The following AGBL5 variants were observed in gnomAD, a reference collection of about 807,000 sequenced individuals.
AGBL5 encodes AGBL carboxypeptidase 5.
Under a neutral mutation model 88.0 loss-of-function variants are expected in AGBL5, and 51 were observed. The observed-to-expected ratio is 0.58, with a 90% CI of 0.46 to 0.73. AGBL5 has a LOEUF of 0.73. Ranked by LOEUF, AGBL5 falls within the 30% of genes least tolerant of loss-of-function variation. AGBL5 has a pLI of 0.00. For synonymous variants in AGBL5, 446 were observed against 438.8 expected, an observed-to-expected ratio of 1.02 and a Z score of -0.21; for missense variants, 1,031 against 1,162.2, an observed-to-expected ratio of 0.89 and a Z score of 1.64.
Position 27,055,725 on chromosome 2 carries a change from C to G in AGBL5, c.952C>G (p.Pro318Ala). 1 of 1,614,108 alleles carries G rather than the reference C, an allele frequency of 6.2e-7. No individual in the cohort carries two copies. ...GVNLNRQYLK[P>A]DAVLHPAIYG... ...GAATCTGAACCGTCAGTACCTGAAG[C>G]CTGATGCCGTCCTGCACCCGGCCAT... Residue 318 changes from proline (P) to alanine (A), a missense_variant, in exon 7 of 15, where the codon CCT (proline) becomes GCT (alanine). Coordinates refer to ENST00000360131, the MANE Select transcript of AGBL5 (RefSeq NM_021831.6).
At chr2:27,066,047 C>T (rs1078809) in intron 11 of AGBL5, among the ~76,000 whole-genome samples, 80,100 of 151,908 alleles carry the variant, frequency 0.53, 22,730 homozygotes, top group East Asian at 0.76. Context: ...TCGCTTGAGC[C>T]CATGAGTTCC....
intron 6 of AGBL5, 168 bp from the exon 7 acceptor site, chr2:27,055,514 G>T: frequency 1.2e-6 from 1 of 806,508 alleles, no homozygotes; most frequent in Non-Finnish European, 1.9e-6. Context: ...TATGGTAAGG[G>T]TGACAGCAGA....
chr2:27,067,252 TAAAAAAAAAAAAA>T (rs36064257), intron 11 of AGBL5, among the ~76,000 whole-genome samples: 1 of 104,482 alleles, frequency 9.6e-6, no homozygotes, highest in Non-Finnish European at 2.0e-5. Flanking sequence ...TGGAAACCTT[TAAAAAAAAAAAAA>T]AAAAAAAAAA....
Position 27,053,401 on chromosome 2 carries a change from G to T in AGBL5, c.216-1G>T. 1 of 1,613,952 alleles carries T rather than the reference G, an allele frequency of 6.2e-7. No homozygotes were observed. The highest frequency in any genetic ancestry group is 1.1e-5 in the South Asian group (1 of 91,066). On this transcript the variant is annotated splice_acceptor_variant, in intron 2 of 14. Transcript: ENST00000360131. LOFTEE classifies it high-confidence loss of function. This position sits in a 1 kb window ranked among gnomAD's most constrained non-coding sequence, Gnocchi z 4.9. Reference sequence around the variant, plus strand: ...GACCTCTCTCTTACTCTGGTCCTCAGGTCATGGTTCTACTTCAGCGTCCGG... The same window carrying T: ...GACCTCTCTCTTACTCTGGTCCTCATGTCATGGTTCTACTTCAGCGTCCGG...
chr2:27,065,786 A>ACCC (rs1558423574), intron 11 of AGBL5, among the ~76,000 whole-genome samples: 6 of 152,210 alleles, frequency 3.9e-5, no homozygotes, highest in Admixed American at 2.0e-4. Context: ...GACATGAAAG[A>ACCC]TGGTCATGGT....
At position 27,055,186 on chromosome 2, in the gene AGBL5, C is replaced by T. The variant is rs780394281; in HGVS notation, c.841C>T (p.Arg281Cys). Reference sequence around the variant, plus strand: ...TGATGATCCCCGGGCCCAAACCCTCCGTCGCCTCTTCGTCTTTAAGCTGAT... The same window carrying T: ...TGATGATCCCCGGGCCCAAACCCTCTGTCGCCTCTTCGTCTTTAAGCTGAT... Reference protein sequence around the residue: ...RPDDPRAQTLRRLFVFKLIPM... With the variant: ...RPDDPRAQTLCRLFVFKLIPM... The change falls in exon 6 of 15, where the codon CGT becomes TGT. Residue 281 changes from arginine (R) to cysteine (C), a missense_variant. Physicochemically the swap from Arg to Cys is radical, Grantham distance 180. Around this residue, in one of 2 missense-constraint regions of AGBL5, gnomAD observed 540 missense variants for 678.2 expected, o/e 0.80. Transcript: ENST00000360131. The T allele has an allele frequency of 1.2e-6, 2 of 1,614,216 alleles. No homozygotes were observed. Among genetic ancestry groups the T allele is most frequent in the Admixed American group, 1.7e-5 (1 of 60,030 alleles).
Position 27,059,358 on chromosome 2 carries a change from C to T in AGBL5, c.2043C>T (p.Gly681=), listed in dbSNP as rs750599420. 2.0e-4 allele frequency: 323 copies of T among 1,614,140 alleles called. No individual in the cohort carries two copies. The highest frequency in any genetic ancestry group is 2.7e-4 in the Non-Finnish European group (316 of 1,180,054). Residue 681 remains glycine (G), a synonymous_variant, in exon 11 of 15, where the codon GGC becomes GGT. Transcript: ENST00000360131. ...GGCCTGCAGGGCTGCCAGGCCTGGG[C>T]TCTAGTACCCAAAAGGTCACCCACC... is the stretch of plus-strand genomic sequence containing the variant. ...GSRPAGLPGL[G]SSTQKVTHRV...
At chr2:27,058,281 C>A in intron 9 of AGBL5, 119 bp from the exon 10 acceptor site, 1 of 1,171,202 alleles carries the variant, frequency 8.5e-7, no homozygotes, top group African/African-American at 1.5e-5. Flanking sequence ...GTTAGGGCAT[C>A]CAATGAGCAA....
In AGBL5 at chr2:27,058,556, G is replaced by A. The variant is rs756786031; in HGVS notation, c.1828G>A (p.Gly610Ser). ...SRGLSSTLNV[G>S]VNKKRGLRTP... is the part of the protein sequence containing the mutation. ...AGGCCTAAGCAGCACTCTGAATGTG[G>A]GTGTCAACAAGAAGAGGGGCCTTCG... Residue 610 changes from glycine (G) to serine (S), a missense_variant, in exon 10 of 15, where the codon GGT (glycine) becomes AGT (serine). Physicochemically the swap from Gly to Ser is moderately conservative, Grantham distance 56 (BLOSUM62 0). Coordinates refer to ENST00000360131, the MANE Select transcript of AGBL5 (RefSeq NM_021831.6). 1.2e-6 allele frequency: 2 copies of A among 1,614,038 alleles called. No individual in the cohort carries two copies. Among genetic ancestry groups the A allele is most frequent in the Non-Finnish European group, 1.7e-6 (2 of 1,180,032 alleles).
intron 13 of AGBL5, chr2:27,069,323 A>G (rs1669153896): frequency 1.0e-6 from 1 of 985,360 alleles, no homozygotes; most frequent in Non-Finnish European, 1.2e-6. Context: ...GTCATGGTGT[A>G]GCCATGGCGG....
In AGBL5 at chr2:27,069,553, C is replaced by G. The variant is rs761063999; in HGVS notation, c.2356-20C>G. 7.5e-6 allele frequency: 12 copies of G among 1,609,940 alleles called. No homozygotes were observed. The highest frequency in any genetic ancestry group is 1.7e-5 in the Admixed American group (1 of 59,384). ...CTCATGGAAGAATCCAGCCTCTTAG[C>G]GCAAACCCTGTCCACACAGGCTAGG... On this transcript the variant is annotated intron_variant, in intron 13 of 14. Transcript: ENST00000360131.
At position 27,053,111 on chromosome 2, in the gene AGBL5, CTA is replaced by C; in HGVS notation, c.155_156del (p.Tyr52Ter). The C allele has an allele frequency of 1.2e-6, 2 of 1,612,854 alleles. No homozygotes were observed. The highest frequency in any genetic ancestry group is 1.7e-6 in the Non-Finnish European group (2 of 1,179,240). On this transcript the variant is annotated frameshift_variant, in exon 2 of 15. Coordinates refer to ENST00000360131, the MANE Select transcript of AGBL5 (RefSeq NM_021831.6). LOFTEE classifies it high-confidence loss of function. This position sits in a 1 kb window ranked among gnomAD's most constrained non-coding sequence, Gnocchi z 4.9. ...CCAGTGGCATTGCCTCTTCCCCTGA[CTA>C]TGAATTCAACGTGTGGACCCGACCA... ...LTSGIASSPD[Y>X]EFNVWTRPDC... is the part of the protein sequence containing the mutation.
rs762338805 is a variant in AGBL5 at position 27,055,226 on chromosome 2, C to T, written c.881C>T (p.Pro294Leu). 2 of 1,614,198 alleles carry T rather than the reference C, an allele frequency of 1.2e-6. No homozygotes were observed. The highest frequency in any genetic ancestry group is 1.7e-6 in the Non-Finnish European group (2 of 1,180,042). The change falls in exon 6 of 15, where the codon CCC (proline) becomes CTC (leucine). Residue 294 changes from proline to leucine, a missense_variant. Coordinates refer to ENST00000360131, the MANE Select transcript of AGBL5 (RefSeq NM_021831.6). Reference protein sequence around the residue: ...FVFKLIPMLNPDGVVRGHYRT... With the variant: ...FVFKLIPMLNLDGVVRGHYRT... ...TTTAAGCTGATTCCCATGTTGAACC[C>T]CGATGGTGTGGTCCGGGGACACTAC...
At chr2:27,059,676 G>A in intron 11 of AGBL5, 4 of 656,130 alleles carry the variant, frequency 6.1e-6, no homozygotes, top group Non-Finnish European at 7.5e-6. Flanking sequence ...TGAAACACTA[G>A]CTGAAGCAGT....
rs1668446296 is a variant in AGBL5 at position 27,056,672 on chromosome 2, TC to T, written c.1416del (p.Phe472LeufsTer38). The T allele has an allele frequency of 6.2e-7, 1 of 1,613,502 alleles. No individual in the cohort carries two copies. Among genetic ancestry groups the T allele is most frequent in the Non-Finnish European group, 8.5e-7 (1 of 1,179,630 alleles). On this transcript the variant is annotated frameshift_variant, in exon 8 of 15. Coordinates refer to ENST00000360131, the MANE Select transcript of AGBL5 (RefSeq NM_021831.6). LOFTEE classifies it high-confidence loss of function. The stretch of plus-strand genomic sequence containing the variant: ...CTCATCTCCTTGAATTCAGCCCACT[TC>T]GACTTCCAGGGCTGCAATTTCTCAG... ...PKLISLNSAH[F>X]DFQGCNFSEK...
Position 27,059,337 on chromosome 2 carries a change from T to C in AGBL5, c.2022T>C (p.Pro674=), listed in dbSNP as rs752510769. The change falls in exon 11 of 15, where the codon CCT becomes CCC. Residue 674 remains proline, a synonymous_variant. Transcript: ENST00000360131. Reference sequence around the variant, plus strand: ...GCTTTCCTTTTCATGGCAGTCGGCCTGCAGGGCTGCCAGGCCTGGGCTCTA... The same window carrying C: ...GCTTTCCTTTTCATGGCAGTCGGCCCGCAGGGCTGCCAGGCCTGGGCTCTA... The part of the protein sequence containing the change: ...SPSFPFHGSR[P]AGLPGLGSST... 7 of 1,614,250 alleles carry C rather than the reference T, an allele frequency of 4.3e-6. No individual in the cohort carries two copies. In the South Asian group the frequency reaches 7.7e-5, roughly 18 times the overall value.
chr2:27,068,986 T>A (rs1263575638), intron 13 of AGBL5: 2 of 1,464,494 alleles, frequency 1.4e-6, no homozygotes, highest in African/African-American at 1.4e-5. Flanking sequence ...TACCCCAACC[T>A]TAGCCTGCTA....
chr2:27,058,424 G>C lies in AGBL5; in HGVS notation c.1696G>C (p.Ala566Pro), dbSNP rs774328038. 1.9e-6 allele frequency: 3 copies of C among 1,613,424 alleles called. No homozygotes were observed. The highest frequency in any genetic ancestry group is 2.5e-6 in the Non-Finnish European group (3 of 1,180,036). The change falls in exon 10 of 15, where the codon GCC (alanine) becomes CCC (proline). Residue 566 changes from alanine (A) to proline (P), a missense_variant. By Grantham distance (27) the Ala-to-Pro change is conservative. Around this residue, in one of 2 missense-constraint regions of AGBL5, gnomAD observed 491 missense variants for 484.0 expected, o/e 1.01. Transcript: ENST00000360131. ...GGTGGGACGAGCTATGGCCATTGCAGCCCTGGACATGGCGGAATGTAATCC... is the reference window on the plus strand; with the variant it reads ...GGTGGGACGAGCTATGGCCATTGCACCCCTGGACATGGCGGAATGTAATCC... Reference protein sequence around the residue: ...EQVGRAMAIAALDMAECNPWP... With the variant: ...EQVGRAMAIAPLDMAECNPWP...
At chr2:27,067,728 C>A in intron 12 of AGBL5, 82 bp downstream of exon 12, 1 of 1,496,728 alleles carries the variant, frequency 6.7e-7, no homozygotes, top group Non-Finnish European at 9.3e-7. Flanking sequence ...AGTTGGGAGA[C>A]CAGGGGCATC....
Sources: allele counts gnomAD v4.1 joint callset (sites outside exome capture counted in the v4.1 genomes callset), GRCh38; gene constraint gnomAD v4.1.1; regional missense constraint gnomAD v4.1.1; non-coding constraint Gnocchi (gnomAD v3.1); transcripts MANE v1.5; gene names NCBI Gene and HGNC (gene_info 2026-07-23, HGNC 2026-07-21).